The following RELN variants were observed in gnomAD, a reference collection of about 807,000 sequenced individuals.
The protein encoded by RELN is reelin.
Under a neutral mutation model 427.6 loss-of-function variants are expected in RELN, and 108 were observed. The ratio of observed to expected loss-of-function variants is 0.25; its 90% CI spans 0.22 to 0.30. RELN has a LOEUF of 0.30. RELN is among the 10% of genes least tolerant of loss of function. The pLI, the probability that RELN is intolerant of heterozygous loss-of-function variation, is 1.00. For synonymous variants in RELN, 1,524 were observed against 1,513.4 expected (o/e 1.01, Z -0.16); for missense variants, 3,715 against 4,302.8 (o/e 0.86, Z 3.82).
chr7:103,521,954 A>T, intron 48 of RELN, 68 bp downstream of exon 48: 1 of 1,517,936 alleles, frequency 6.6e-7, no homozygotes, highest in Non-Finnish European at 9.1e-7. Context: ...TAAACTTCAG[A>T]AGAGAGTCAA....
chr7:103,758,347 A>G, intron 4 of RELN, among the ~76,000 whole-genome samples: 1 of 152,130 alleles, frequency 6.6e-6, no homozygotes, highest in East Asian at 1.9e-4. Flanking sequence ...TAAAATATAA[A>G]ATGTTACACA....
At position 103,540,211 on chromosome 7, in the gene RELN, A is replaced by G; in HGVS notation, c.6916T>C (p.Trp2306Arg). The G allele has an allele frequency of 6.2e-7, 1 of 1,614,246 alleles. No homozygotes were observed. Among genetic ancestry groups the G allele is most frequent in the Non-Finnish European group, 8.5e-7 (1 of 1,180,038 alleles). The part of the protein sequence containing the change: ...PSENGHFYSP[W>R]VIDQILIGGN... Reference sequence around the variant, plus strand: ...AAGGGACTGACCTGATCGATAACCCAGGGGCTGTAGAAGTGCCCATTCTCA... The same window carrying G: ...AAGGGACTGACCTGATCGATAACCCGGGGGCTGTAGAAGTGCCCATTCTCA... The change falls in exon 44 of 65, where the codon TGG becomes CGG. Residue 2306 changes from tryptophan to arginine, a missense_variant. Trp to Arg is a moderately radical substitution (Grantham distance 101). Transcript: ENST00000428762.
At chr7:103,909,658 T>A (rs1200758713) in intron 2 of RELN, among the ~76,000 whole-genome samples, 6 of 87,366 alleles carry the variant, frequency 6.9e-5, no homozygotes, top group South Asian at 3.3e-4. Flanking sequence ...ATATTTAATA[T>A]ATATAAATAT....
At chr7:103,887,160 G>A (rs1489951258) in intron 2 of RELN, among the ~76,000 whole-genome samples, 1 of 152,174 alleles carries the variant, frequency 6.6e-6, no homozygotes. Flanking sequence ...GGCTGCTAAA[G>A]AGCTGAAATA....
chr7:103,561,647 T>G lies in RELN; in HGVS notation c.5414A>C (p.Lys1805Thr). The G allele has an allele frequency of 6.2e-7, 1 of 1,614,002 alleles. No individual in the cohort carries two copies. The highest frequency in any genetic ancestry group is 1.1e-5 in the South Asian group (1 of 91,086). The change falls in exon 36 of 65, where the codon AAA becomes ACA. Residue 1805 changes from lysine to threonine, a missense_variant. Physicochemically the swap from Lys to Thr is moderately conservative, Grantham distance 78. Coordinates refer to ENST00000428762, the MANE Select transcript of RELN (RefSeq NM_005045.4). The part of the protein sequence containing the change: ...VPVVPLPSIL[K>T]DDFNGNLHPD... ...ATGTAAATTCCCATTGAAATCGTCT[T>G]TAAGAATCGAGGGCAGAGGAACAAC...
intron 15 of RELN, 107 bp from the exon 16 acceptor site, chr7:103,650,490 A>G: frequency 1.3e-6 from 1 of 760,046 alleles, no homozygotes; most frequent in East Asian, 2.6e-5. Flanking sequence ...GAAAAGCACT[A>G]AAGTTTACCA....
chr7:103,688,054 T>G (rs2115727993), intron 10 of RELN, among the ~76,000 whole-genome samples: 1 of 152,202 alleles, frequency 6.6e-6, no homozygotes, highest in Admixed American at 6.6e-5. Context: ...CTACAATATC[T>G]TATACCCACC....
At position 103,784,455 on chromosome 7, in the gene RELN, C is replaced by T. The variant is rs143151834; in HGVS notation, c.474-7828G>A. Among the ~76,000 whole-genome samples the T allele has an allele frequency of 7.2e-5, 11 of 152,242 alleles. No homozygotes were observed. In the East Asian group the frequency reaches 2.1e-3, roughly 29 times the overall value. ...TGTGAAAGCATCCACATTTCGAAAA[C>T]TGAATGCAGGAGTGCTGTCTACCAA... On this transcript the variant is annotated intron_variant, in intron 3 of 64. Transcript: ENST00000428762.
At chr7:103,773,164 CTTTT>C (rs1228252567) in intron 4 of RELN, among the ~76,000 whole-genome samples, 5 of 106,240 alleles carry the variant, frequency 4.7e-5, no homozygotes, top group African/African-American at 7.0e-5. Context: ...TTCTTTCTTT[CTTTT>C]TCTTTCTTTC....
intron 6 of RELN, among the ~76,000 whole-genome samples, chr7:103,747,642 CTTTT>C (rs541976561): frequency 1.5e-4 from 19 of 123,864 alleles, no homozygotes; most frequent in African/African-American, 5.4e-4. Flanking sequence ...CCTACTCTCA[CTTTT>C]TTTTTTTTTT....
intron 16 of RELN, among the ~76,000 whole-genome samples, chr7:103,641,378 T>C (rs565728763): frequency 2.0e-5 from 3 of 152,318 alleles, no homozygotes; most frequent in East Asian, 3.9e-4. Flanking sequence ...AAATAAACTT[T>C]CCTGTAGCCT....
At position 103,593,693 on chromosome 7, in the gene RELN, G is replaced by C. The variant is rs1393731852; in HGVS notation, c.3901C>G (p.Leu1301Val). The C allele has an allele frequency of 6.2e-7, 1 of 1,612,878 alleles. No individual in the cohort carries two copies. Among genetic ancestry groups the C allele is most frequent in the East Asian group, 2.2e-5 (1 of 44,854 alleles). The change falls in exon 27 of 65, where the codon CTA becomes GTA. Residue 1301 changes from leucine to valine, a missense_variant. By Grantham distance (32) the Leu-to-Val change is conservative. Coordinates refer to ENST00000428762, the MANE Select transcript of RELN (RefSeq NM_005045.4). ...RDLTLKPGYV[L>V]QFKLNIGCAN... is the part of the protein sequence containing the mutation. The stretch of plus-strand genomic sequence containing the variant: ...TTGTGCATAAATACCTTGAACTGTA[G>C]CACATATCCAGGTTTCAGGGTCAAA...
rs1329528249 is a variant in RELN, at chr7:103,968,432, AG to A, written c.226+20698del. On this transcript the variant is annotated intron_variant, in intron 1 of 64. Transcript: ENST00000428762. This position sits in a 1 kb window ranked among gnomAD's most constrained non-coding sequence, Gnocchi z 4.3. ...TCAGTTGGTTTGACATCAGGTCTGC[AG>A]GCACCATGCGTTGCTACTGAGGACT... is the stretch of plus-strand genomic sequence containing the variant. Among the ~76,000 whole-genome samples the A allele has an allele frequency of 3.3e-5, 5 of 152,200 alleles. No homozygotes were observed. The highest frequency in any genetic ancestry group is 1.2e-4 in the African/African-American group (5 of 41,460).
chr7:103,833,426 A>T, intron 3 of RELN, 111 bp downstream of exon 3: 1 of 1,046,308 alleles, frequency 9.6e-7, no homozygotes, highest in Non-Finnish European at 1.5e-6. Flanking sequence ...GATTTTAATT[A>T]GGGTTAAACC....
At chr7:103,608,528 C>T (rs1221517602) in intron 22 of RELN, among the ~76,000 whole-genome samples, 1 of 151,944 alleles carries the variant, frequency 6.6e-6, no homozygotes, top group East Asian at 1.9e-4. Flanking sequence ...TATCTAACAT[C>T]ATAATATTAA....
At chr7:103,881,326 A>T (rs1033809744) in intron 2 of RELN, among the ~76,000 whole-genome samples, 3 of 152,004 alleles carry the variant, frequency 2.0e-5, no homozygotes, top group South Asian at 4.1e-4. Context: ...TCTTCCTTTG[A>T]TTTTGGTGAT....
intron 11 of RELN, among the ~76,000 whole-genome samples, chr7:103,677,909 T>G (rs1156352190): frequency 1.3e-5 from 2 of 151,988 alleles, no homozygotes; most frequent in Non-Finnish European, 2.9e-5. Flanking sequence ...GTGTCTTCAT[T>G]CAACATGTGT....
intron 1 of RELN, among the ~76,000 whole-genome samples, chr7:103,959,848 C>T (rs1309844820): frequency 6.6e-6 from 1 of 152,128 alleles, no homozygotes; most frequent in African/African-American, 2.4e-5. Context: ...GATCCTCTTG[C>T]CTCAGCCTCC....
intron 11 of RELN, among the ~76,000 whole-genome samples, chr7:103,663,331 C>T (rs1428725893): frequency 6.6e-6 from 1 of 152,142 alleles, no homozygotes; most frequent in Non-Finnish European, 1.5e-5. Flanking sequence ...GTGTTCAATG[C>T]CCAGCAGATC....
Sources: allele counts gnomAD v4.1 joint callset (sites outside exome capture counted in the v4.1 genomes callset), GRCh38; gene constraint gnomAD v4.1.1; non-coding constraint Gnocchi (gnomAD v3.1); transcripts MANE v1.5; gene names NCBI Gene and HGNC (gene_info 2026-07-23, HGNC 2026-07-21).